Variants in JKAMP observed in about 807,000 individuals in gnomAD.
The protein encoded by JKAMP is JNK1/MAPK8-associated membrane protein.
JKAMP carries 20 observed loss-of-function variants against 40.2 expected under a neutral mutation model. The observed-to-expected ratio is 0.50, with a 90% CI of 0.35 to 0.72. The LOEUF is 0.72. JKAMP is among the 30% of genes least tolerant of loss of function. The pLI, the probability that JKAMP is intolerant of heterozygous loss-of-function variation, is 0.01. For synonymous variants in JKAMP, 138 were observed against 131.6 expected (o/e 1.05, Z -0.33); for missense variants, 276 against 373.0 (o/e 0.74, Z 2.14).
At chr14:59,491,010 G>T (rs1185691484) in intron 3 of JKAMP, among the ~76,000 whole-genome samples, 1 of 152,220 alleles carries the variant, frequency 6.6e-6, no homozygotes, top group Non-Finnish European at 1.5e-5. Context: ...TAAAAAGAGG[G>T]AGTTGTACAA....
At chr14:59,484,752 C>A in intron 1 of JKAMP, 159 bp downstream of exon 1, 2 of 1,036,566 alleles carry the variant, frequency 1.9e-6, no homozygotes, top group Non-Finnish European at 2.8e-6. Context: ...CGCACTCCTG[C>A]GGGGTTGGGG....
chr14:59,504,068 A>C lies in JKAMP; in HGVS notation c.932A>C (p.His311Pro), dbSNP rs775138698. The C allele has an allele frequency of 3.1e-6, 5 of 1,603,684 alleles. No individual in the cohort carries two copies. Among genetic ancestry groups the C allele is most frequent in the Non-Finnish European group, 4.3e-6 (5 of 1,170,676 alleles). ...SRILSEGANG[H>P] ...ATACTCTCAGAAGGAGCCAATGGACACTGAGTGTAGACATGTGAAATGCCA... is the reference window on the plus strand; with the variant it reads ...ATACTCTCAGAAGGAGCCAATGGACCCTGAGTGTAGACATGTGAAATGCCA... The change falls in exon 7 of 7, where the codon CAC becomes CCC. Residue 311 changes from histidine (H) to proline (P), a missense_variant. Coordinates refer to ENST00000616435, the MANE Select transcript of JKAMP (RefSeq NM_016475.5).
intron 4 of JKAMP, 105 bp from the exon 5 acceptor site, chr14:59,498,622 T>C (rs1891623396): frequency 6.1e-6 from 4 of 655,008 alleles, no homozygotes; most frequent in Non-Finnish European, 1.0e-5. Flanking sequence ...ATAGAGTAAA[T>C]ATGCTTTTTA....
rs371104435 is a variant in JKAMP at position 59,487,843 on chromosome 14, A to G, written c.251+15A>G. On this transcript the variant is annotated intron_variant, in intron 3 of 6. Coordinates refer to ENST00000616435, the MANE Select transcript of JKAMP (RefSeq NM_016475.5). ...GGGAAAAAGAGGTTAGCACATTTCT[A>G]TGAACATATCTGGCTGGACTAATGT... 1.2e-4 allele frequency: 197 copies of G among 1,610,250 alleles called. No homozygotes were observed. The African/African-American group carries it at 2.0e-3, about 16-fold the overall frequency.
At chr14:59,499,035 T>TTTTTTTTTTTTTTTTTTTTC (rs1891663814) in intron 5 of JKAMP, 127 bp downstream of exon 5, 1 of 476,380 alleles carries the variant, frequency 2.1e-6, no homozygotes, top group Non-Finnish European at 3.4e-6. Flanking sequence ...TTTTTTTTTT[T>TTTTTTTTTTTTTTTTTTTTC]TTTTTTTGTG....
chr14:59,490,109 A>T (rs1480084669), intron 3 of JKAMP, among the ~76,000 whole-genome samples: 1 of 151,856 alleles, frequency 6.6e-6, no homozygotes, highest in East Asian at 1.9e-4. Context: ...TTTTGTAGAG[A>T]CAGGGTCTCT....
intron 5 of JKAMP, chr14:59,500,872 A>C: frequency 5.1e-6 from 1 of 196,382 alleles, no homozygotes; most frequent in Non-Finnish European, 1.0e-5. Flanking sequence ...TGAGTATGAA[A>C]CGTATGTTTT....
intron 6 of JKAMP, among the ~76,000 whole-genome samples, chr14:59,502,421 A>G (rs1850190986): frequency 6.6e-6 from 1 of 152,188 alleles, no homozygotes; most frequent in Admixed American, 6.5e-5. Context: ...CAACCAAGAG[A>G]AAATAAGTTG....
intron 3 of JKAMP, among the ~76,000 whole-genome samples, chr14:59,492,128 G>C (rs188782112): frequency 1.3e-5 from 2 of 152,208 alleles, no homozygotes; most frequent in Admixed American, 1.3e-4. Context: ...ATATGTAACT[G>C]CTACCTATAA....
chr14:59,493,393 G>T (rs774257598), intron 3 of JKAMP, among the ~76,000 whole-genome samples: 6 of 152,186 alleles, frequency 3.9e-5, no homozygotes, highest in African/African-American at 1.2e-4. Context: ...CTCTAGACCA[G>T]TGCTTCCCAA....
In JKAMP at chr14:59,495,012, C is replaced by T; in HGVS notation, c.252-6C>T. The T allele has an allele frequency of 6.2e-7, 1 of 1,609,542 alleles. No homozygotes were observed. The highest frequency in any genetic ancestry group is 1.1e-5 in the South Asian group (1 of 90,954). The stretch of plus-strand genomic sequence containing the variant: ...TCTAGTAATCATGCCTCTTTTCCTT[C>T]TCTAGTTCCAGCGCACTTTTCCAAC... On this transcript the variant is annotated splice_region_variant and splice_polypyrimidine_tract_variant and intron_variant, in intron 3 of 6. Transcript: ENST00000616435.
chr14:59,502,009 C>G (rs1002952303), intron 6 of JKAMP, among the ~76,000 whole-genome samples: 1 of 152,076 alleles, frequency 6.6e-6, no homozygotes, highest in South Asian at 2.1e-4. Flanking sequence ...AGGAACTAAG[C>G]TATTGGTTAA....
At chr14:59,500,134 A>C (rs1891761522) in intron 5 of JKAMP, among the ~76,000 whole-genome samples, 1 of 152,198 alleles carries the variant, frequency 6.6e-6, no homozygotes, top group East Asian at 1.9e-4. Flanking sequence ...TTATAAGTTA[A>C]GTAGAGTTTT....
chr14:59,490,333 A>T (rs1414081090), intron 3 of JKAMP, among the ~76,000 whole-genome samples: 1 of 152,156 alleles, frequency 6.6e-6, no homozygotes, highest in African/African-American at 2.4e-5. Flanking sequence ...CCATGACCCA[A>T]ATACTTCCCA....
At chr14:59,503,445 T>C (rs1892090094) in intron 6 of JKAMP, among the ~76,000 whole-genome samples, 1 of 152,126 alleles carries the variant, frequency 6.6e-6, no homozygotes, top group African/African-American at 2.4e-5. Context: ...GTTAAGGAGG[T>C]TGGGTTTCTG....
chr14:59,497,259 G>T (rs1891519597), intron 4 of JKAMP, among the ~76,000 whole-genome samples: 1 of 152,082 alleles, frequency 6.6e-6, no homozygotes, highest in Non-Finnish European at 1.5e-5. Context: ...AAAACTTTAA[G>T]AATGAGTTAT....
At position 59,502,773 on chromosome 14, in the gene JKAMP, T is replaced by TGTTTTTTGTTTTTTTTTTTTTG. The variant is rs796697193; in HGVS notation, c.718-1081_718-1080insGTTTTTTGTTTTTTTTTTTTTG. On this transcript the variant is annotated intron_variant, in intron 6 of 6. Transcript: ENST00000616435. ...AGATTTTTTTTTTTTTTTTTTTTTTTCGGAGTCTCACTCTGTCGCTTAGGC... is the reference window on the plus strand; with the variant it reads ...AGATTTTTTTTTTTTTTTTTTTTTTTGTTTTTTGTTTTTTTTTTTTTGCGGAGTCTCACTCTGTCGCTTAGGC... Among the ~76,000 whole-genome samples the TGTTTTTTGTTTTTTTTTTTTTG allele has an allele frequency of 3.9e-5, 4 of 102,836 alleles. 1 individual carries two copies. The highest frequency in any genetic ancestry group is 5.5e-5 in the Non-Finnish European group (3 of 54,386). 67.5% of individuals were successfully genotyped at this position (102,836 alleles called of 152,430 possible).
At chr14:59,502,755 T>TGTTTTGTTTTG (rs67189643) in intron 6 of JKAMP, among the ~76,000 whole-genome samples, 5 of 122,948 alleles carry the variant, frequency 4.1e-5, no homozygotes, top group African/African-American at 9.0e-5. Flanking sequence ...ATGAGATTTT[T>TGTTTTGTTTTG]TTTTTTTTTT....
At chr14:59,492,943 G>A (rs890120445) in intron 3 of JKAMP, among the ~76,000 whole-genome samples, 5 of 151,776 alleles carry the variant, frequency 3.3e-5, no homozygotes, top group Admixed American at 2.0e-4. Context: ...GACTACAGGC[G>A]CCTGCCACCA....
Sources: gnomAD v4.1 joint callset for allele counts (sites outside exome capture counted in the v4.1 genomes callset) on GRCh38, gnomAD v4.1.1 for gene constraint, MANE v1.5 for transcripts, NCBI Gene and HGNC (gene_info 2026-07-23, HGNC 2026-07-21) for gene names.